KIF21A: variants seen among roughly 807,000 people sequenced by gnomAD.
KIF21A encodes the protein kinesin-like protein KIF21A.
Under a neutral mutation model 202.9 loss-of-function variants are expected in KIF21A, and 114 were observed. The observed-to-expected ratio is 0.56, with a 90% CI of 0.48 to 0.66. KIF21A has a LOEUF of 0.66. Among genes scored for constraint, KIF21A ranks in the 30% least tolerant of loss-of-function variants. The pLI, the probability that KIF21A is intolerant of heterozygous loss-of-function variation, is 0.00. For missense variants in KIF21A, 1,677 were observed against 1,994.9 expected (o/e 0.84, Z 3.04); for synonymous variants, 667 against 670.8 (o/e 0.99, Z 0.09).
chr12:39,354,939 G>A (rs1005955802), intron 10 of KIF21A, among the ~76,000 whole-genome samples: 7 of 152,128 alleles, frequency 4.6e-5, no homozygotes, highest in African/African-American at 1.7e-4. Context: ...CTTGCCCAAG[G>A]TCGTACACCT....
intron 7 of KIF21A, among the ~76,000 whole-genome samples, chr12:39,359,119 A>C (rs1387148586): frequency 6.6e-6 from 1 of 152,158 alleles, no homozygotes; most frequent in Non-Finnish European, 1.5e-5. Context: ...TGGTAGAAAA[A>C]TCAATGCCTA....
chr12:39,302,290 C>G (rs547997883), intron 36 of KIF21A, among the ~76,000 whole-genome samples: 4 of 152,172 alleles, frequency 2.6e-5, no homozygotes, highest in Non-Finnish European at 5.9e-5. Flanking sequence ...GTATATGCAT[C>G]TATTGCCAAG....
At chr12:39,348,937 A>G (rs1206182082) in intron 11 of KIF21A, among the ~76,000 whole-genome samples, 1 of 152,080 alleles carries the variant, frequency 6.6e-6, no homozygotes, top group East Asian at 1.9e-4. Context: ...GTTATCAGAC[A>G]TTTCCACTGG....
chr12:39,330,981 C>G, intron 22 of KIF21A, 70 bp from the exon 23 acceptor site: 4 of 1,498,034 alleles, frequency 2.7e-6, no homozygotes, highest in Non-Finnish European at 3.7e-6. Context: ...CTGTATCAAA[C>G]AGCAAATGAA....
chr12:39,341,874 T>C (rs1308838717), intron 13 of KIF21A, among the ~76,000 whole-genome samples, 160 bp downstream of exon 13: 1 of 152,174 alleles, frequency 6.6e-6, no homozygotes, highest in Non-Finnish European at 1.5e-5. Context: ...TGTCAATATT[T>C]TATAGCTTGT....
At chr12:39,363,321 A>C (rs1447371752) in intron 6 of KIF21A, 108 bp from the exon 7 acceptor site, 1 of 677,576 alleles carries the variant, frequency 1.5e-6, no homozygotes, top group Non-Finnish European at 2.5e-6. Context: ...AATATAATTA[A>C]GAATATTTGT....
intron 1 of KIF21A, among the ~76,000 whole-genome samples, chr12:39,421,027 A>T (rs1230058851): frequency 6.6e-6 from 1 of 152,252 alleles, no homozygotes; most frequent in African/African-American, 2.4e-5. Context: ...GACACGTGTC[A>T]CATAGTGACA....
At chr12:39,311,600 T>C (rs1338108300) in intron 31 of KIF21A, 47 bp from the exon 32 acceptor site, 1 of 1,605,362 alleles carries the variant, frequency 6.2e-7, no homozygotes, top group Non-Finnish European at 8.5e-7. Flanking sequence ...TTCAGTATCA[T>C]GAGACTATAT....
chr12:39,416,629 GTGTATATATATATATGTACATATATA>G (rs1953637706), intron 1 of KIF21A, among the ~76,000 whole-genome samples: 1 of 127,752 alleles, frequency 7.8e-6, no homozygotes, highest in African/African-American at 3.0e-5. Context: ...ACATATATAT[GTGTATATATATATATGTACATATATA>G]TGTGTATATA....
chr12:39,399,093 C>A (rs1951974047), intron 1 of KIF21A, among the ~76,000 whole-genome samples: 5 of 152,038 alleles, frequency 3.3e-5, no homozygotes, highest in Admixed American at 3.3e-4. Context: ...GTGGCATGCA[C>A]CTGTAGTCCC....
intron 32 of KIF21A, among the ~76,000 whole-genome samples, chr12:39,310,912 T>C (rs1217478564): frequency 6.6e-6 from 1 of 152,070 alleles, no homozygotes; most frequent in Non-Finnish European, 1.5e-5. Flanking sequence ...TAGCTAAATT[T>C]ACCTGAGAAA....
chr12:39,309,906 A>C, intron 32 of KIF21A, 140 bp from the exon 33 acceptor site: 1 of 740,130 alleles, frequency 1.4e-6, no homozygotes, highest in Non-Finnish European at 2.2e-6. Flanking sequence ...AAGGATCCTA[A>C]CTTCATCCTT....
chr12:39,337,396 TA>T, intron 16 of KIF21A, 193 bp from the exon 17 acceptor site: 1 of 566,922 alleles, frequency 1.8e-6, no homozygotes, highest in Non-Finnish European at 3.1e-6. Context: ...ACATTTTTAT[TA>T]AATTGCTTAG....
At chr12:39,315,085 T>C in intron 31 of KIF21A, 144 bp downstream of exon 31, 1 of 748,538 alleles carries the variant, frequency 1.3e-6, no homozygotes, top group Non-Finnish European at 2.4e-6. Context: ...TTTAAACAAG[T>C]TTAAGGTTAA....
At chr12:39,403,025 A>G (rs1157661907) in intron 1 of KIF21A, among the ~76,000 whole-genome samples, 1 of 152,146 alleles carries the variant, frequency 6.6e-6, no homozygotes, top group Non-Finnish European at 1.5e-5. Context: ...CACTACATGT[A>G]CTCATAATTC....
At position 39,363,151 on chromosome 12, in the gene KIF21A, G is replaced by A; in HGVS notation, c.966C>T (p.Pro322=). The change falls in exon 7 of 38, where the codon CCC becomes CCT. Residue 322 remains proline, a synonymous_variant. Transcript: ENST00000361418. ...GTCTTGTTAGCTTGGAATCTCTATA[G>A]GGGACATGTGTGGCCCTCTTGCTCT... ...GDKSKRATHV[P]YRDSKLTRLL... 6.2e-7 allele frequency: 1 copy of A among 1,613,354 alleles called. No individual in the cohort carries two copies. Among genetic ancestry groups the A allele is most frequent in the East Asian group, 2.2e-5 (1 of 44,796 alleles).
In KIF21A at chr12:39,311,576, A is replaced by C. The variant is rs889083330; in HGVS notation, c.3960-23T>G. 9 of 1,611,764 alleles carry C rather than the reference A, an allele frequency of 5.6e-6. No homozygotes were observed. In the African/African-American group the frequency reaches 1.2e-4, roughly 22 times the overall value. On this transcript the variant is annotated intron_variant, in intron 31 of 37. Transcript: ENST00000361418. ...CCCCTAAGGTGGGGAAAAAACAAAC[A>C]AACCAAGACTCACTTCAGTATCATG...
rs1939841020 is a variant in KIF21A, at chr12:39,442,825, C to T, written c.44+102G>A. 2 of 1,398,476 alleles carry T rather than the reference C, an allele frequency of 1.4e-6. No individual in the cohort carries two copies. The highest frequency in any genetic ancestry group is 1.9e-6 in the Non-Finnish European group (2 of 1,034,256). 86.6% of individuals were successfully genotyped at this position (1,398,476 alleles called of 1,614,324 possible). On this transcript the variant is annotated intron_variant, in intron 1 of 37. Coordinates refer to ENST00000361418, the MANE Select transcript of KIF21A (RefSeq NM_001173464.2). The surrounding 1 kb of genome is among the most constrained non-coding windows in gnomAD (Gnocchi z 5.0). ...CGCAGAACCCGGCCGGGACGCCCCT[C>T]AGGTCGCTCCACCCCGGTAGCCGGT...
intron 29 of KIF21A, among the ~76,000 whole-genome samples, chr12:39,316,769 AG>A (rs1460895051): frequency 3.9e-5 from 6 of 152,212 alleles, no homozygotes. Flanking sequence ...AGTAATGTAA[AG>A]GGGTAGTCAA....
Sources: gnomAD v4.1 joint callset for allele counts (sites outside exome capture counted in the v4.1 genomes callset) on GRCh38, gnomAD v4.1.1 for gene constraint, Gnocchi (gnomAD v3.1) non-coding constraint, MANE v1.5 for transcripts, NCBI Gene and HGNC (gene_info 2026-07-23, HGNC 2026-07-21) for gene names.